The following ACADL variants were observed in gnomAD, a reference collection of about 807,000 sequenced individuals.
ACADL encodes the protein long-chain specific acyl-CoA dehydrogenase, mitochondrial.
In ACADL, 60 loss-of-function variants were observed where a neutral mutation model predicts 56.9. The observed-to-expected ratio is 1.05, with a 90% confidence interval of 0.86 to 1.31. The LOEUF (loss-of-function observed/expected upper bound fraction) is 1.31, where lower values mean the gene tolerates loss of function less well. Among genes scored for constraint, ACADL ranks in the 50% most tolerant of loss-of-function variants. The pLI is 0.00. For synonymous variants in ACADL, 158 were observed against 179.7 expected (o/e 0.88, Z 0.97); for missense variants, 484 against 525.5 (o/e 0.92, Z 0.77).
chr2:210,225,437 C>T lies in ACADL; in HGVS notation c.-174G>A, dbSNP rs1689258210. 2 of 632,438 alleles carry T rather than the reference C, an allele frequency of 3.2e-6. No homozygotes were observed. The highest frequency in any genetic ancestry group is 3.8e-5 in the African/African-American group (2 of 52,048). The allele number at this position is 632,438 out of a possible 1,614,324, so 39.2% of individuals were successfully genotyped here. A position where few individuals can be genotyped will look rare whatever the true frequency, so the allele number is the denominator to read the frequency against. On this transcript the variant is annotated 5_prime_UTR_variant, in exon 1 of 11. Coordinates refer to ENST00000233710, the MANE Select transcript of ACADL (RefSeq NM_001608.4). ...CCCCAACCACGCCACAGGCTGGTCG[C>T]GAGGGAATACGCCCGTCTTGGCTGT...
chr2:210,222,470 A>G (rs1181709099), intron 1 of ACADL, among the ~76,000 whole-genome samples: 3 of 151,010 alleles, frequency 2.0e-5, no homozygotes, highest in Non-Finnish European at 4.4e-5. Context: ...CAGTCTGGGC[A>G]ACATAGTGAG....
rs928872106 is a variant in ACADL at position 210,206,364 on chromosome 2, G to C, written c.604-568C>G. On this transcript the variant is annotated intron_variant, in intron 5 of 10. Transcript: ENST00000233710. ...GAGGATCGCTTGAGTCCAGGAGTTT[G>C]AGGTTACAGTGAGTTATGATTGTAC... 3.9e-5 allele frequency among the ~76,000 whole-genome samples: 6 copies of C among 152,076 alleles called. No homozygotes were observed. The East Asian group carries it at 1.2e-3, about 29-fold the overall frequency.
At chr2:210,192,264 A>G (rs1315739071) in intron 10 of ACADL, among the ~76,000 whole-genome samples, 1 of 151,800 alleles carries the variant, frequency 6.6e-6, no homozygotes, top group Non-Finnish European at 1.5e-5. Context: ...AGGCAGGCAG[A>G]TCACTTGAGG....
At chr2:210,205,576 A>C in intron 6 of ACADL, 56 bp downstream of exon 6, 2 of 1,561,716 alleles carry the variant, frequency 1.3e-6, no homozygotes, top group African/African-American at 2.7e-5. Context: ...TAAGTCTCCT[A>C]TCTGATTAAC....
intron 10 of ACADL, among the ~76,000 whole-genome samples, chr2:210,190,218 A>G (rs1471037802): frequency 6.6e-6 from 1 of 152,188 alleles, no homozygotes; most frequent in Non-Finnish European, 1.5e-5. Context: ...ACGGTGTTAC[A>G]AAGGAAATTT....
intron 5 of ACADL, among the ~76,000 whole-genome samples, chr2:210,207,635 C>T (rs1688909512): frequency 6.6e-6 from 1 of 152,146 alleles, no homozygotes; most frequent in Non-Finnish European, 1.5e-5. Context: ...CCAAAATGAT[C>T]TGTTTTTATC....
At chr2:210,212,592 A>G (rs1689004522) in intron 4 of ACADL, among the ~76,000 whole-genome samples, 1 of 152,202 alleles carries the variant, frequency 6.6e-6, no homozygotes, top group Non-Finnish European at 1.5e-5. Flanking sequence ...CAAGCCACCA[A>G]GTCTCTGCTA....
At chr2:210,194,212 G>T (rs1223512600) in intron 9 of ACADL, among the ~76,000 whole-genome samples, 1 of 152,046 alleles carries the variant, frequency 6.6e-6, no homozygotes, top group Non-Finnish European at 1.5e-5. Flanking sequence ...AGAACTTCTT[G>T]TAAATGTAAA....
intron 8 of ACADL, among the ~76,000 whole-genome samples, chr2:210,200,194 A>G (rs563531306): frequency 6.6e-6 from 1 of 152,302 alleles, no homozygotes; most frequent in African/African-American, 2.4e-5. Context: ...CCAGGAGCGT[A>G]GTATGTGTTT....
At chr2:210,217,883 T>G in intron 3 of ACADL, 82 bp downstream of exon 3, 1 of 1,512,672 alleles carries the variant, frequency 6.6e-7, no homozygotes, top group Non-Finnish European at 9.2e-7. Context: ...ATTTGTTTGT[T>G]TGTTTGTTTG....
At chr2:210,197,036 C>A (rs1184690243) in intron 8 of ACADL, among the ~76,000 whole-genome samples, 1 of 152,152 alleles carries the variant, frequency 6.6e-6, no homozygotes, top group Non-Finnish European at 1.5e-5. Flanking sequence ...TTGATACTTA[C>A]CATTTCTGGA....
chr2:210,195,613 G>A (rs1212238035), intron 8 of ACADL, among the ~76,000 whole-genome samples: 1 of 152,108 alleles, frequency 6.6e-6, no homozygotes, highest in Non-Finnish European at 1.5e-5. Context: ...TTTAGACGAG[G>A]CAAAATTCTT....
rs1688959101 is a variant in ACADL at position 210,210,352 on chromosome 2, CA to C, written c.537-91del. ...AAGTATGTATGTAAATTAGATTATT[CA>C]AACTGGCTACACCATTATAAAATTG... On this transcript the variant is annotated intron_variant, in intron 4 of 10. Transcript: ENST00000233710. The C allele has an allele frequency of 9.2e-6, 9 of 973,294 alleles. No individual in the cohort carries two copies. The South Asian group carries it at 1.2e-4, about 13-fold the overall frequency. The allele number at this position is 973,294 out of a possible 1,614,324, so 60.3% of individuals were successfully genotyped here.
At chr2:210,207,361 C>T (rs1688903069) in intron 5 of ACADL, among the ~76,000 whole-genome samples, 1 of 152,172 alleles carries the variant, frequency 6.6e-6, no homozygotes. Flanking sequence ...GCTTACCTCT[C>T]CTTACCTGGC....
chr2:210,199,984 A>G (rs1460174110), intron 8 of ACADL, among the ~76,000 whole-genome samples: 1 of 152,166 alleles, frequency 6.6e-6, no homozygotes, highest in Non-Finnish European at 1.5e-5. Flanking sequence ...GGCTCAAGCA[A>G]TCTGCCTGCC....
In ACADL at chr2:210,204,698, A is replaced by G; in HGVS notation, c.769-16T>C. 6.5e-7 allele frequency: 1 copy of G among 1,531,746 alleles called. No homozygotes were observed. Among genetic ancestry groups the G allele is most frequent in the Non-Finnish European group, 9.0e-7 (1 of 1,105,294 alleles). 94.9% of individuals were successfully genotyped at this position (1,531,746 alleles called of 1,614,324 possible). The stretch of plus-strand genomic sequence containing the variant: ...CTGCGGTATCCTAAGAGACCATACA[A>G]AAAATGTAGAGAATGGTCTCATTTA... On this transcript the variant is annotated splice_polypyrimidine_tract_variant and intron_variant, in intron 6 of 10. Coordinates refer to ENST00000233710, the MANE Select transcript of ACADL (RefSeq NM_001608.4).
intron 9 of ACADL, 152 bp downstream of exon 9, chr2:210,195,059 C>G: frequency 9.2e-7 from 1 of 1,081,304 alleles, no homozygotes; most frequent in Non-Finnish European, 1.3e-6. Flanking sequence ...CTTAATGGAA[C>G]TTTTTAGCAT....
chr2:210,190,926 T>TG (rs911550295), intron 10 of ACADL, among the ~76,000 whole-genome samples: 89 of 150,744 alleles, frequency 5.9e-4, no homozygotes, highest in Admixed American at 1.5e-3. Context: ...GTTGTTTGTT[T>TG]TTTTTTTTTT....
rs1310079635 is a variant in ACADL at position 210,194,580 on chromosome 2, G to T, written c.1112+631C>A. ...TTGCTAATAATCTTTAATTCAAATC[G>T]AAGTCTTTCTAAACTTAATAGGATT... On this transcript the variant is annotated intron_variant, in intron 9 of 10. Transcript: ENST00000233710. Among the ~76,000 whole-genome samples the T allele has an allele frequency of 2.0e-5, 3 of 151,946 alleles. No homozygotes were observed. The South Asian group carries it at 6.2e-4, about 32-fold the overall frequency.
Sources: gnomAD v4.1 joint callset for allele counts (sites outside exome capture counted in the v4.1 genomes callset) on GRCh38, gnomAD v4.1.1 for gene constraint, MANE v1.5 for transcripts, NCBI Gene and HGNC (gene_info 2026-07-23, HGNC 2026-07-21) for gene names.